Variants in SUPT3H observed in about 807,000 individuals in gnomAD.
The protein encoded by SUPT3H is transcription initiation protein SPT3 homolog.
A neutral mutation model predicts 44.3 loss-of-function variants in SUPT3H; 44 were observed. The observed-to-expected ratio is 0.99, with a 90% CI of 0.78 to 1.28. SUPT3H has a LOEUF of 1.28. Among genes scored for constraint, SUPT3H ranks in the 50% most tolerant of loss-of-function variants. The pLI, the probability that SUPT3H is intolerant of heterozygous loss-of-function variation, is 0.00. For synonymous variants in SUPT3H, 124 were observed against 125.6 expected, an observed-to-expected ratio of 0.99 and a Z score of 0.09; for missense variants, 380 against 387.1, an observed-to-expected ratio of 0.98 and a Z score of 0.15.
chr6:44,825,895 A>G (rs921496317), downstream of SUPT3H, among the ~76,000 whole-genome samples: 5 of 152,186 alleles, frequency 3.3e-5, no homozygotes, highest in African/African-American at 7.2e-5. Flanking sequence ...TGCTGTACAG[A>G]TAATTACAGT....
rs540085145 is a variant in SUPT3H, at chr6:45,246,721, G to C, written c.101+118480C>G. 3.3e-5 allele frequency among the ~76,000 whole-genome samples: 5 copies of C among 152,176 alleles called. No homozygotes were observed. The South Asian group carries it at 6.2e-4, about 19-fold the overall frequency. Reference sequence around the variant, plus strand: ...CAAGTAATCAGAAATTGTAAAACACGTATCTAAGCAATTCACGGGTCAAGG... The same window carrying C: ...CAAGTAATCAGAAATTGTAAAACACCTATCTAAGCAATTCACGGGTCAAGG... On this transcript the variant is annotated intron_variant, in intron 2 of 10. Coordinates refer to ENST00000371459, the MANE Select transcript of SUPT3H (RefSeq NM_003599.4).
At chr6:45,105,787 T>C (rs1466557858) in intron 3 of SUPT3H, 135 bp downstream of exon 3, 1 of 567,020 alleles carries the variant, frequency 1.8e-6, no homozygotes, top group East Asian at 3.0e-5. Context: ...AATTTTGTTA[T>C]ATATAAAGTA....
intron 10 of SUPT3H, among the ~76,000 whole-genome samples, chr6:44,906,031 G>C (rs1301426121): frequency 1.3e-5 from 2 of 152,088 alleles, no homozygotes. Context: ...GTTGTGCGGT[G>C]GGGGGATGGG....
intron 6 of SUPT3H, among the ~76,000 whole-genome samples, chr6:44,967,399 T>C (rs1348937302): frequency 6.6e-6 from 1 of 152,228 alleles, no homozygotes; most frequent in Non-Finnish European, 1.5e-5. Flanking sequence ...ACAGATACAG[T>C]GCCTAGTATA....
chr6:44,891,683 G>A (rs948800642), intron 10 of SUPT3H, among the ~76,000 whole-genome samples: 2 of 152,000 alleles, frequency 1.3e-5, no homozygotes, highest in Non-Finnish European at 2.9e-5. Flanking sequence ...GATAGTGGTG[G>A]TGGTTGTACA....
intron 2 of SUPT3H, among the ~76,000 whole-genome samples, chr6:45,163,271 A>G (rs1371698025): frequency 6.6e-6 from 1 of 152,186 alleles, no homozygotes; most frequent in Non-Finnish European, 1.5e-5. Context: ...TTTCACTGCT[A>G]ATTGCATTGT....
At chr6:45,109,374 C>A (rs539454771) in intron 2 of SUPT3H, among the ~76,000 whole-genome samples, 1 of 151,934 alleles carries the variant, frequency 6.6e-6, no homozygotes, top group Non-Finnish European at 1.5e-5. Flanking sequence ...AAGTTATCAA[C>A]GCTAAATAAT....
At chr6:44,997,196 G>A (rs1242411844) in intron 6 of SUPT3H, among the ~76,000 whole-genome samples, 1 of 151,460 alleles carries the variant, frequency 6.6e-6, no homozygotes, top group Non-Finnish European at 1.5e-5. Context: ...ATTTTATAAA[G>A]TTTTTTTTAA....
chr6:44,930,692 G>T (rs1770446581), intron 10 of SUPT3H, among the ~76,000 whole-genome samples: 1 of 152,116 alleles, frequency 6.6e-6, no homozygotes, highest in African/African-American at 2.4e-5. Context: ...TAACACCTTG[G>T]GTGCCCCTCT....
chr6:44,969,622 C>G (rs765222091), intron 6 of SUPT3H, among the ~76,000 whole-genome samples: 4 of 152,096 alleles, frequency 2.6e-5, no homozygotes, highest in Non-Finnish European at 5.9e-5. Flanking sequence ...AACAAAAACA[C>G]ACATACGCAC....
At chr6:44,981,388 T>C (rs1182417928) in intron 6 of SUPT3H, among the ~76,000 whole-genome samples, 1 of 152,206 alleles carries the variant, frequency 6.6e-6, no homozygotes, top group East Asian at 1.9e-4. Context: ...GCAAATGACA[T>C]TTAAGATATA....
At chr6:45,286,758 T>G (rs1053988900) in intron 2 of SUPT3H, among the ~76,000 whole-genome samples, 14 of 152,154 alleles carry the variant, frequency 9.2e-5, no homozygotes, top group Admixed American at 7.9e-4. Context: ...ACCCAAAGGA[T>G]TATAAAACAT....
chr6:45,145,748 T>C (rs1256876453), intron 2 of SUPT3H, among the ~76,000 whole-genome samples: 1 of 151,576 alleles, frequency 6.6e-6, no homozygotes, highest in Admixed American at 6.6e-5. Flanking sequence ...TAGAAGAAAA[T>C]AGTCACAAAC....
intron 2 of SUPT3H, among the ~76,000 whole-genome samples, chr6:45,258,703 A>G (rs955102937): frequency 6.6e-6 from 1 of 152,208 alleles, no homozygotes; most frequent in African/African-American, 2.4e-5. Flanking sequence ...AAATCTGTCT[A>G]TGGAAAACTA....
chr6:45,250,208 A>G (rs1266034171), intron 2 of SUPT3H, among the ~76,000 whole-genome samples: 1 of 152,174 alleles, frequency 6.6e-6, no homozygotes, highest in East Asian at 1.9e-4. Context: ...AAAAAGGATA[A>G]AAAGGAAATC....
chr6:45,296,136 C>T (rs951855102), intron 2 of SUPT3H, among the ~76,000 whole-genome samples: 11 of 151,554 alleles, frequency 7.3e-5, no homozygotes, highest in African/African-American at 2.2e-4. Flanking sequence ...TATATACACA[C>T]ATATACATAT....
chr6:45,012,958 T>TAA (rs1783714520), intron 5 of SUPT3H, among the ~76,000 whole-genome samples: 2 of 152,046 alleles, frequency 1.3e-5, no homozygotes, highest in Non-Finnish European at 2.9e-5. Context: ...ATGACTGTAG[T>TAA]TTTAGTCAGG....
At chr6:45,080,684 C>A (rs574260352) in intron 3 of SUPT3H, among the ~76,000 whole-genome samples, 8 of 152,042 alleles carry the variant, frequency 5.3e-5, no homozygotes, top group African/African-American at 1.9e-4. Context: ...CAAAAACCGA[C>A]TTCACTTGTT....
chr6:45,342,680 TA>T (rs1446335742), intron 2 of SUPT3H, among the ~76,000 whole-genome samples: 3 of 152,154 alleles, frequency 2.0e-5, no homozygotes, highest in African/African-American at 7.2e-5. Flanking sequence ...TATTTGCCAA[TA>T]TTTTTCAATT....
Sources: gnomAD v4.1 joint callset for allele counts (sites outside exome capture counted in the v4.1 genomes callset) on GRCh38, gnomAD v4.1.1 for gene constraint, MANE v1.5 for transcripts, NCBI Gene and HGNC (gene_info 2026-07-23, HGNC 2026-07-21) for gene names.